COL7A1: variants seen among roughly 807,000 people sequenced by gnomAD.
COL7A1 encodes the protein collagen type VII alpha 1 chain, also known as collagen alpha-1(VII) chain.
Under a neutral mutation model 456.2 loss-of-function variants are expected in COL7A1, and 296 were observed. The ratio of observed to expected loss-of-function variants is 0.65; its 90% CI spans 0.59 to 0.71. The LOEUF (loss-of-function observed/expected upper bound fraction) is 0.71. COL7A1 is among the 30% of genes least tolerant of loss of function. The pLI is 0.00. For synonymous variants in COL7A1, 1,464 were observed against 1,525.9 expected, an observed-to-expected ratio of 0.96 and a Z score of 0.95; for missense variants, 3,441 against 4,017.2, an observed-to-expected ratio of 0.86 and a Z score of 3.88.
chr3:48,586,155 G>A lies in COL7A1; in HGVS notation c.3642C>T (p.Phe1214=), dbSNP rs772510427. Residue 1214 remains phenylalanine, a synonymous_variant, in exon 28 of 119, where the codon TTC becomes TTT. Transcript: ENST00000681320. This position sits in a 1 kb window ranked among gnomAD's most constrained non-coding sequence, Gnocchi z 5.1. ...CCAGGCTTGGCCCATCATCCACGGC[G>A]AAGAAGGTCTGGACAGAGTCCATAC... The part of the protein sequence containing the change: ...APGMDSVQTF[F]AVDDGPSLDQ... 15 of 1,613,220 alleles carry A rather than the reference G, an allele frequency of 9.3e-6. No individual in the cohort carries two copies. Among genetic ancestry groups the A allele is most frequent in the Middle Eastern group, 3.3e-4 (2 of 6,084 alleles).
At position 48,565,410 on chromosome 3, in the gene COL7A1, C is replaced by T; in HGVS notation, c.8527G>A (p.Glu2843Lys). The T allele has an allele frequency of 6.2e-7, 1 of 1,603,774 alleles. No individual in the cohort carries two copies. Among genetic ancestry groups the T allele is most frequent in the Non-Finnish European group, 8.5e-7 (1 of 1,175,420 alleles). Residue 2843 changes from glutamate to lysine, a missense_variant and splice_region_variant, in exon 116 of 119, where the codon GAG becomes AAG. Coordinates refer to ENST00000681320, the MANE Select transcript of COL7A1 (RefSeq NM_000094.4). The surrounding 1 kb of genome is among the most constrained non-coding windows in gnomAD (Gnocchi z 4.5). Reference protein sequence around the residue: ...VLRVSHAEEEERVPPEDDEYS... With the variant: ...VLRVSHAEEEKRVPPEDDEYS... ...GCCCCACGGGTTCAGCTGTCCTCAC[C>T]TTCCTCCTCTGCATGAGAGACGCGG...
chr3:48,590,196 C>T lies in COL7A1; in HGVS notation c.2050+17G>A, dbSNP rs201492853. On this transcript the variant is annotated intron_variant, in intron 16 of 118. Coordinates refer to ENST00000681320, the MANE Select transcript of COL7A1 (RefSeq NM_000094.4). This position sits in a 1 kb window ranked among gnomAD's most constrained non-coding sequence, Gnocchi z 4.6. ...GCAATGGAGGCAGAGAGCCAAGGGA[C>T]GGGGGCAGGGCCTGACCCGTTCGAG... The T allele has an allele frequency of 2.7e-5, 43 of 1,609,828 alleles. No homozygotes were observed. The East Asian group carries it at 6.7e-4, about 25-fold the overall frequency.
chr3:48,584,289 G>A lies in COL7A1; in HGVS notation c.4197+9C>T. 1.9e-6 allele frequency: 3 copies of A among 1,603,184 alleles called. No homozygotes were observed. Among genetic ancestry groups the A allele is most frequent in the Non-Finnish European group, 2.6e-6 (3 of 1,174,442 alleles). ...TCTCTGCATCACATGGCACTCATGA[G>A]GCTGTCACCTTCATGGCTGTTCCAG... On this transcript the variant is annotated intron_variant, in intron 37 of 118. Coordinates refer to ENST00000681320, the MANE Select transcript of COL7A1 (RefSeq NM_000094.4).
At position 48,565,724 on chromosome 3, in the gene COL7A1, GGA is replaced by G. The variant is rs2043577184; in HGVS notation, c.8408-58_8408-57del. The G allele has an allele frequency of 2.6e-6, 4 of 1,535,870 alleles. No homozygotes were observed. The East Asian group carries it at 9.4e-5, about 36-fold the overall frequency. On this transcript the variant is annotated intron_variant, in intron 114 of 118. Coordinates refer to ENST00000681320, the MANE Select transcript of COL7A1 (RefSeq NM_000094.4). This position sits in a 1 kb window ranked among gnomAD's most constrained non-coding sequence, Gnocchi z 4.5. ...ATGACAGAGAGAAGGATGGGAAGAT[GGA>G]GAGACAGACAGAGACACACAGGCAG... is the stretch of plus-strand genomic sequence containing the variant.
rs375442528 is a variant in COL7A1, at chr3:48,593,242, T to A, written c.542A>T (p.Glu181Val). ...FAVGIKNADP[E>V]ELKRVASQPT... The stretch of plus-strand genomic sequence containing the variant: ...CTGTGAGGCAACTCGCTTCAGCTCC[T>A]CAGGGTCAGCATTCTTGATCCCTGA... Residue 181 changes from glutamate to valine, a missense_variant, in exon 6 of 119, where the codon GAG (glutamate) becomes GTG (valine). This residue lies in a region of COL7A1 where 913 missense variants were observed against 1,088.2 expected (regional missense o/e 0.84). Transcript: ENST00000681320. The surrounding 1 kb of genome is among the most constrained non-coding windows in gnomAD (Gnocchi z 4.4). 3 of 1,614,108 alleles carry A rather than the reference T, an allele frequency of 1.9e-6. No individual in the cohort carries two copies. The Admixed American group carries it at 5.0e-5, about 27-fold the overall frequency.
rs758316899 is a variant in COL7A1, at chr3:48,570,507, G to T, written c.7345-7C>A. The T allele has an allele frequency of 6.2e-7, 1 of 1,613,894 alleles. No homozygotes were observed. Among genetic ancestry groups the T allele is most frequent in the Admixed American group, 1.7e-5 (1 of 60,002 alleles). On this transcript the variant is annotated splice_polypyrimidine_tract_variant and splice_region_variant and intron_variant, in intron 96 of 118. Transcript: ENST00000681320. The surrounding 1 kb of genome is among the most constrained non-coding windows in gnomAD (Gnocchi z 5.5). ...CAGAGGCCCCAGGTGGTCCCTGTAG[G>T]TCAGAGTGAGGTGAGGGTCCTGTGG...
In COL7A1 at chr3:48,570,980, A is replaced by G; in HGVS notation, c.7165-12T>C. On this transcript the variant is annotated splice_polypyrimidine_tract_variant and intron_variant, in intron 94 of 118. Coordinates refer to ENST00000681320, the MANE Select transcript of COL7A1 (RefSeq NM_000094.4). This position sits in a 1 kb window ranked among gnomAD's most constrained non-coding sequence, Gnocchi z 5.5. ...AGGCCCAGATCTCCCTGAAATAAAA[A>G]CAGCAAAGGGAGGGAATGGTCAATG... 1 of 1,613,172 alleles carries G rather than the reference A, an allele frequency of 6.2e-7. No homozygotes were observed. Among genetic ancestry groups the G allele is most frequent in the Non-Finnish European group, 8.5e-7 (1 of 1,179,602 alleles).
rs757662320 is a variant in COL7A1 at position 48,592,322 on chromosome 3, A to T, written c.1093+29T>A. On this transcript the variant is annotated intron_variant, in intron 9 of 118. Coordinates refer to ENST00000681320, the MANE Select transcript of COL7A1 (RefSeq NM_000094.4). The surrounding 1 kb of genome is among the most constrained non-coding windows in gnomAD (Gnocchi z 7.6). ...CTACAGCCTTGTCTGAGGCGCGGGG[A>T]CTCCCCTCAGCCCACATCTCTCACT... The T allele has an allele frequency of 5.0e-6, 8 of 1,611,624 alleles. No homozygotes were observed. In the East Asian group the frequency reaches 1.8e-4, roughly 36 times the overall value.
Position 48,590,153 on chromosome 3 carries a change from G to C in COL7A1, c.2050+60C>G. On this transcript the variant is annotated intron_variant, in intron 16 of 118. Coordinates refer to ENST00000681320, the MANE Select transcript of COL7A1 (RefSeq NM_000094.4). The surrounding 1 kb of genome is among the most constrained non-coding windows in gnomAD (Gnocchi z 4.6). ...GAGAAGCAAGGGTCTGCAAGGGAAG[G>C]CATGGGGGTCTGAAAGAGCAATGGA... 1 of 1,586,292 alleles carries C rather than the reference G, an allele frequency of 6.3e-7. No homozygotes were observed. The highest frequency in any genetic ancestry group is 8.6e-7 in the Non-Finnish European group (1 of 1,163,724).
At chr3:48,582,566 C>T (rs2044845227) in intron 45 of COL7A1, 43 bp downstream of exon 45, 3 of 1,613,644 alleles carry the variant, frequency 1.9e-6, no homozygotes, top group African/African-American at 1.3e-5. Context: ...GGGAGGGACA[C>T]ACAAAAGTCC....
In COL7A1 at chr3:48,574,589, G is replaced by T. The variant is rs1284966912; in HGVS notation, c.6394-39C>A. ...GTCGTGCCCTGAGCCCCCAGTCCCT[G>T]CCACGTGCCCAGGTGCATATGCACA... is the stretch of plus-strand genomic sequence containing the variant. On this transcript the variant is annotated intron_variant, in intron 78 of 118. Coordinates refer to ENST00000681320, the MANE Select transcript of COL7A1 (RefSeq NM_000094.4). This position sits in a 1 kb window ranked among gnomAD's most constrained non-coding sequence, Gnocchi z 5.0. 27 of 1,613,720 alleles carry T rather than the reference G, an allele frequency of 1.7e-5. No homozygotes were observed. Among genetic ancestry groups the T allele is most frequent in the African/African-American group, 4.0e-5 (3 of 74,914 alleles).
Position 48,583,014 on chromosome 3 carries a change from C to T in COL7A1, c.4517G>A (p.Arg1506Gln), listed in dbSNP as rs372793584. 369 of 1,613,994 alleles carry T rather than the reference C, an allele frequency of 2.3e-4. 1 individual carries two copies. In the South Asian group the frequency reaches 3.1e-3, roughly 14 times the overall value. Residue 1506 changes from arginine (R) to glutamine (Q), a missense_variant and splice_region_variant, in exon 44 of 119, where the codon CGG becomes CAG. This residue lies in a region of COL7A1 where 2,084 missense variants were observed against 2,501.3 expected (regional missense o/e 0.83). Coordinates refer to ENST00000681320, the MANE Select transcript of COL7A1 (RefSeq NM_000094.4). This position sits in a 1 kb window ranked among gnomAD's most constrained non-coding sequence, Gnocchi z 5.1. ...ERGPPGPAGSRGLPGVAGRPG... is the reference protein window; with the variant it reads ...ERGPPGPAGSQGLPGVAGRPG... ...GAGCATTGCAGCCAGTGGGTTTACC[C>T]GGGATCCCGCTGGGCCTGGGGGTCC... is the stretch of plus-strand genomic sequence containing the variant.
intron 65 of COL7A1, among the ~76,000 whole-genome samples, chr3:48,577,518 T>C (rs545682128): frequency 2.3e-4 from 35 of 152,344 alleles, no homozygotes; most frequent in Middle Eastern, 3.4e-3. Flanking sequence ...TCAATGTGTA[T>C]GACCATAAGC....
chr3:48,574,327 G>A lies in COL7A1; in HGVS notation c.6457-21C>T. ...AGACCCTGCAGAGAATAGGTTTAAG[G>A]CCTTAGTTTCCCAGTTCCAACTTCC... On this transcript the variant is annotated intron_variant, in intron 79 of 118. Coordinates refer to ENST00000681320, the MANE Select transcript of COL7A1 (RefSeq NM_000094.4). This position sits in a 1 kb window ranked among gnomAD's most constrained non-coding sequence, Gnocchi z 5.0. 1.2e-6 allele frequency: 2 copies of A among 1,614,062 alleles called. No individual in the cohort carries two copies. Among genetic ancestry groups the A allele is most frequent in the Non-Finnish European group, 1.7e-6 (2 of 1,180,006 alleles).
rs775369583 is a variant in COL7A1, at chr3:48,585,617, G to A, written c.3834C>T (p.Gly1278=). The A allele has an allele frequency of 1.5e-5, 24 of 1,613,896 alleles. No individual in the cohort carries two copies. Among genetic ancestry groups the A allele is most frequent in the Non-Finnish European group, 1.9e-5 (23 of 1,180,040 alleles). ...CCTGGGGGCCGGGAGCACCGGTCCTGCCCTGAAAGAAGATAGCAGTTAGGT... is the reference window on the plus strand; with the variant it reads ...CCTGGGGGCCGGGAGCACCGGTCCTACCCTGAAAGAAGATAGCAGTTAGGT... ...VGPPGDPGLP[G]RTGAPGPQGP... The change falls in exon 32 of 119, where the codon GGC becomes GGT. Residue 1278 remains glycine, a splice_region_variant and synonymous_variant. Transcript: ENST00000681320. This position sits in a 1 kb window ranked among gnomAD's most constrained non-coding sequence, Gnocchi z 4.5.
In COL7A1 at chr3:48,592,535, G is replaced by T. The variant is rs752095288; in HGVS notation, c.976+35C>A. 2 of 1,613,780 alleles carry T rather than the reference G, an allele frequency of 1.2e-6. No individual in the cohort carries two copies. The highest frequency in any genetic ancestry group is 1.7e-6 in the Non-Finnish European group (2 of 1,180,018). On this transcript the variant is annotated intron_variant, in intron 8 of 118. Coordinates refer to ENST00000681320, the MANE Select transcript of COL7A1 (RefSeq NM_000094.4). The surrounding 1 kb of genome is among the most constrained non-coding windows in gnomAD (Gnocchi z 7.6). The stretch of plus-strand genomic sequence containing the variant: ...GAGGGGGTACTGGGGTCGGGGGTTA[G>T]GTGAATGGGGTCAGAGGCTGGCAGA...
chr3:48,589,582 C>A lies in COL7A1; in HGVS notation c.2170+17G>T. On this transcript the variant is annotated intron_variant, in intron 17 of 118. Transcript: ENST00000681320. ...CATTCCACCCTGACCTGCCCCCTCCCAAACCCCAGTCCCCACCGTGGGCTG... is the reference window on the plus strand; with the variant it reads ...CATTCCACCCTGACCTGCCCCCTCCAAAACCCCAGTCCCCACCGTGGGCTG... The A allele has an allele frequency of 6.2e-7, 1 of 1,613,470 alleles. No homozygotes were observed. Among genetic ancestry groups the A allele is most frequent in the Non-Finnish European group, 8.5e-7 (1 of 1,179,980 alleles).
Position 48,566,148 on chromosome 3 carries a change from T to C in COL7A1, c.8407+119A>G. ...CAGTCCTGCAGCACATGTGTCCTTC[T>C]GTGTATCCATCCATCCCCCCATCTT... On this transcript the variant is annotated intron_variant, in intron 114 of 118. Transcript: ENST00000681320. This position sits in a 1 kb window ranked among gnomAD's most constrained non-coding sequence, Gnocchi z 5.9. The C allele has an allele frequency of 9.4e-7, 1 of 1,064,538 alleles. No homozygotes were observed. Among genetic ancestry groups the C allele is most frequent in the Non-Finnish European group, 1.4e-6 (1 of 707,896 alleles). The allele number at this position is 1,064,538 out of a possible 1,614,324, so 65.9% of individuals were successfully genotyped here.
Position 48,588,902 on chromosome 3 carries a change from G to A in COL7A1, c.2408C>T (p.Thr803Ile). 2 of 1,613,686 alleles carry A rather than the reference G, an allele frequency of 1.2e-6. No homozygotes were observed. Among genetic ancestry groups the A allele is most frequent in the South Asian group, 1.1e-5 (1 of 91,092 alleles). Reference protein sequence around the residue: ...RITWVGVTGATAYRLAWGRSE... With the variant: ...RITWVGVTGAIAYRLAWGRSE... ...CCGGCCCCAGGCCAGTCTGTAAGCT[G>A]TGGCTCCAGTGACCCCTACCCAGGT... Residue 803 changes from threonine (T) to isoleucine (I), a missense_variant, in exon 19 of 119, where the codon ACA becomes ATA. Coordinates refer to ENST00000681320, the MANE Select transcript of COL7A1 (RefSeq NM_000094.4). This position sits in a 1 kb window ranked among gnomAD's most constrained non-coding sequence, Gnocchi z 4.6.
Sources: allele counts gnomAD v4.1 joint callset (sites outside exome capture counted in the v4.1 genomes callset), GRCh38; gene constraint gnomAD v4.1.1; regional missense constraint gnomAD v4.1.1; non-coding constraint Gnocchi (gnomAD v3.1); transcripts MANE v1.5; gene names NCBI Gene and HGNC (gene_info 2026-07-23, HGNC 2026-07-21).